EXD2: variants seen among roughly 807,000 people sequenced by gnomAD.
EXD2 encodes exonuclease 3'-5' domain containing 2, also known as exonuclease 3'-5' domain-containing protein 2.
EXD2 carries 40 observed loss-of-function variants against 62.5 expected under a neutral mutation model. That is an observed-to-expected ratio of 0.64 (90% CI 0.50 to 0.83). EXD2 has a LOEUF of 0.83. Ranked by LOEUF, EXD2 falls within the 40% of genes least tolerant of loss-of-function variation. The pLI, the probability that EXD2 is intolerant of heterozygous loss-of-function variation, is 0.00. For synonymous variants in EXD2, 239 were observed against 291.9 expected, an observed-to-expected ratio of 0.82 and a Z score of 1.85; for missense variants, 671 against 761.8, an observed-to-expected ratio of 0.88 and a Z score of 1.40.
intron 2 of EXD2, among the ~76,000 whole-genome samples, chr14:69,206,590 C>T (rs938906470): frequency 4.0e-5 from 6 of 151,746 alleles, no homozygotes; most frequent in African/African-American, 1.5e-4. Flanking sequence ...AGCTATCCTC[C>T]CACCTCAGGC....
chr14:69,197,051 C>G (rs78865842), intron 1 of EXD2, among the ~76,000 whole-genome samples: 2 of 152,098 alleles, frequency 1.3e-5, no homozygotes, highest in Non-Finnish European at 2.9e-5. Flanking sequence ...TTTGTATACC[C>G]TCTATCAGGA....
Position 69,243,357 on chromosome 14 carries a change from G to T in EXD2, c.*2257G>T, listed in dbSNP as rs1457182828. 6.6e-6 allele frequency: 1 copy of T among 152,144 alleles called. No individual in the cohort carries two copies. The highest frequency in any genetic ancestry group is 1.9e-4 in the East Asian group (1 of 5,202). The allele number at this position is 152,144 out of a possible 1,614,324, so 9.4% of individuals were successfully genotyped here. A position where few individuals can be genotyped will look rare whatever the true frequency, so the allele number is the denominator to read the frequency against. The stretch of plus-strand genomic sequence containing the variant: ...TCCATCTAAAACAGAGCTAAACTTT[G>T]CTGATATGTTTATGAATTTCCTTTC... On this transcript the variant is annotated 3_prime_UTR_variant, in exon 10 of 10. Coordinates refer to ENST00000685843, the MANE Select transcript of EXD2 (RefSeq NM_001193360.2).
intron 2 of EXD2, 150 bp from the exon 3 acceptor site, chr14:69,209,274 A>G (rs1189344600): frequency 1.1e-5 from 5 of 460,058 alleles, no homozygotes; most frequent in Non-Finnish European, 1.9e-5. Context: ...AAGAAATTAA[A>G]CCATTGCTAC....
chr14:69,197,431 T>A (rs1225349961), intron 1 of EXD2, among the ~76,000 whole-genome samples: 3 of 152,196 alleles, frequency 2.0e-5, no homozygotes, highest in African/African-American at 7.2e-5. Context: ...CTTTTTTTTT[T>A]ATAATTTCAA....
intron 3 of EXD2, among the ~76,000 whole-genome samples, chr14:69,220,461 G>A (rs1468435682): frequency 4.8e-5 from 7 of 147,258 alleles, no homozygotes; most frequent in Non-Finnish European, 7.5e-5. Context: ...TAGTAGAGAC[G>A]GGGTTTCACT....
In EXD2 at chr14:69,214,077, GGTTTGGCA is replaced by G. The variant is rs142763650; in HGVS notation, c.333+4279_333+4286del. ...AGATTTTCTCTGGGTGTAAAGTTCTGGTTTGGCAGTTTATCATTTTCAGGATAGTATTC... is the reference window on the plus strand; with the variant it reads ...AGATTTTCTCTGGGTGTAAAGTTCTGGTTTATCATTTTCAGGATAGTATTC... On this transcript the variant is annotated intron_variant, in intron 3 of 9. Coordinates refer to ENST00000685843, the MANE Select transcript of EXD2 (RefSeq NM_001193360.2). 1.7e-3 allele frequency: 255 copies of G among 152,196 alleles called. 1 individual carries two copies. Among genetic ancestry groups the G allele is most frequent in the African/African-American group, 6.0e-3 (251 of 41,528 alleles). The allele number at this position is 152,196 out of a possible 1,614,324, so 9.4% of individuals were successfully genotyped here.
chr14:69,198,020 T>G (rs2140187366), intron 1 of EXD2, among the ~76,000 whole-genome samples: 1 of 152,342 alleles, frequency 6.6e-6, no homozygotes, highest in Middle Eastern at 3.4e-3. Flanking sequence ...TCTGGTCTTC[T>G]TCTAGATCTT....
In EXD2 at chr14:69,242,916, A is replaced by T. The variant is rs1364106529; in HGVS notation, c.*1816A>T. ...TCATTTTGATAGCTTTGCAAGAAAA[A>T]TTTTTCCTTTGAAACAAGGGAGTAG... is the stretch of plus-strand genomic sequence containing the variant. On this transcript the variant is annotated 3_prime_UTR_variant, in exon 10 of 10. Coordinates refer to ENST00000685843, the MANE Select transcript of EXD2 (RefSeq NM_001193360.2). 1 of 152,150 alleles carries T rather than the reference A, an allele frequency of 6.6e-6. No homozygotes were observed. Among genetic ancestry groups the T allele is most frequent in the Non-Finnish European group, 1.5e-5 (1 of 68,030 alleles). 9.4% of individuals were successfully genotyped at this position (152,150 alleles called of 1,614,324 possible).
chr14:69,237,095 G>A (rs1460103508), intron 8 of EXD2, among the ~76,000 whole-genome samples: 1 of 152,216 alleles, frequency 6.6e-6, no homozygotes, highest in African/African-American at 2.4e-5. Context: ...GCTGCCAAGA[G>A]TTTTTCCTGA....
intron 1 of EXD2, among the ~76,000 whole-genome samples, chr14:69,201,511 T>C (rs1230546568): frequency 2.6e-5 from 4 of 151,946 alleles, no homozygotes; most frequent in African/African-American, 9.7e-5. Flanking sequence ...TGTTTAAATG[T>C]TTCACCTATC....
chr14:69,199,916 G>T (rs190760925), intron 1 of EXD2, among the ~76,000 whole-genome samples: 10 of 152,100 alleles, frequency 6.6e-5, no homozygotes, highest in Admixed American at 5.9e-4. Context: ...GTCGTTTATT[G>T]TCGTTATCAG....
chr14:69,237,453 G>A (rs2043834418), intron 8 of EXD2, 122 bp from the exon 9 acceptor site: 5 of 817,296 alleles, frequency 6.1e-6, no homozygotes, highest in Admixed American at 1.9e-5. Context: ...GTTGGGCGGT[G>A]GTGCCCAAGG....
intron 1 of EXD2, among the ~76,000 whole-genome samples, chr14:69,202,511 G>A (rs1020095041): frequency 4.6e-5 from 7 of 152,048 alleles, no homozygotes; most frequent in African/African-American, 1.7e-4. Flanking sequence ...TTTTTCCTTG[G>A]CTAAATCATG....
intron 1 of EXD2, among the ~76,000 whole-genome samples, chr14:69,196,999 C>A (rs535475815): frequency 1.3e-5 from 2 of 152,158 alleles, no homozygotes; most frequent in Non-Finnish European, 2.9e-5. Context: ...ATTTCCCTAA[C>A]AGCTCATGAT....
intron 3 of EXD2, chr14:69,224,017 A>C (rs1232546155): frequency 6.6e-6 from 1 of 152,086 alleles, no homozygotes; most frequent in Non-Finnish European, 1.5e-5. Flanking sequence ...AGCAGCACCA[A>C]GACGGCGGGG....
chr14:69,241,233 C>T lies in EXD2; in HGVS notation c.*133C>T. 5.8e-6 allele frequency: 4 copies of T among 688,610 alleles called. No individual in the cohort carries two copies. The East Asian group carries it at 1.1e-4, about 19-fold the overall frequency. The allele number at this position is 688,610 out of a possible 1,614,324, so 42.7% of individuals were successfully genotyped here. A position where few individuals can be genotyped will look rare whatever the true frequency, so the allele number is the denominator to read the frequency against. ...ACTCAGAATACTAACCTAGACTAAT[C>T]CCAGGATGCTTCTGCTGGAGCAAAG... On this transcript the variant is annotated 3_prime_UTR_variant, in exon 10 of 10. Coordinates refer to ENST00000685843, the MANE Select transcript of EXD2 (RefSeq NM_001193360.2).
In EXD2 at chr14:69,239,241, C is replaced by T. The variant is rs548951449; in HGVS notation, c.1649+1310C>T. 8 of 152,284 alleles carry T rather than the reference C, an allele frequency of 5.3e-5. No homozygotes were observed. The South Asian group carries it at 1.2e-3, about 24-fold the overall frequency. The allele number at this position is 152,284 out of a possible 1,614,324, so 9.4% of individuals were successfully genotyped here. A position where few individuals can be genotyped will look rare whatever the true frequency, so the allele number is the denominator to read the frequency against. On this transcript the variant is annotated intron_variant, in intron 9 of 9. Coordinates refer to ENST00000685843, the MANE Select transcript of EXD2 (RefSeq NM_001193360.2). Reference sequence around the variant, plus strand: ...TTCTGAAATGAGAAATGAATGGGCACGTGGCTCAGATGGTAAGAGCTCTGG... The same window carrying T: ...TTCTGAAATGAGAAATGAATGGGCATGTGGCTCAGATGGTAAGAGCTCTGG...
At chr14:69,226,436 C>T (rs376395990) in intron 3 of EXD2, among the ~76,000 whole-genome samples, 3 of 152,160 alleles carry the variant, frequency 2.0e-5, no homozygotes, top group East Asian at 3.8e-4. Flanking sequence ...TGGTTTTACT[C>T]CGCCTTAGAA....
In EXD2 at chr14:69,243,452, A is replaced by G. The variant is rs1387064327; in HGVS notation, c.*2352A>G. 1 of 152,250 alleles carries G rather than the reference A, an allele frequency of 6.6e-6. No individual in the cohort carries two copies. The highest frequency in any genetic ancestry group is 1.5e-5 in the Non-Finnish European group (1 of 68,046). The allele number at this position is 152,250 out of a possible 1,614,324, so 9.4% of individuals were successfully genotyped here. ...AGGTCATACATAGATACAGGTTGGT[A>G]TCCTAACTTTACCCTCTCACTGATT... On this transcript the variant is annotated 3_prime_UTR_variant, in exon 10 of 10. Transcript: ENST00000685843.
Sources: gnomAD v4.1 joint callset for allele counts (sites outside exome capture counted in the v4.1 genomes callset) on GRCh38, gnomAD v4.1.1 for gene constraint, MANE v1.5 for transcripts, NCBI Gene and HGNC (gene_info 2026-07-23, HGNC 2026-07-21) for gene names.